Variants in DENND4C observed in about 807,000 individuals in gnomAD.
DENND4C encodes DENN domain-containing protein 4C.
A neutral mutation model predicts 203.0 loss-of-function variants in DENND4C; 108 were observed. The observed-to-expected ratio is 0.53, with a 90% CI of 0.46 to 0.62. The LOEUF is 0.62. Ranked by LOEUF, DENND4C falls within the 20% of genes least tolerant of loss-of-function variation. The probability of loss-of-function intolerance (pLI) is 0.00; values close to 1 mark genes in which losing one functional copy is unlikely to be tolerated. For synonymous variants in DENND4C, 871 were observed against 792.4 expected (o/e 1.10, Z -1.67); for missense variants, 2,481 against 2,301.2 (o/e 1.08, Z -1.60).
At chr9:19,268,831 A>C (rs1206609375) in intron 1 of DENND4C, among the ~76,000 whole-genome samples, 1 of 151,970 alleles carries the variant, frequency 6.6e-6, no homozygotes, top group African/African-American at 2.4e-5. Context: ...TTTGTATGCT[A>C]TGTGTTTTTC....
Position 19,289,189 on chromosome 9 carries a change from A to G in DENND4C, c.628+524A>G, listed in dbSNP as rs191053397. Among the ~76,000 whole-genome samples the G allele has an allele frequency of 3.2e-3, 488 of 152,342 alleles. 3 individuals are homozygous for G. Among genetic ancestry groups the G allele is most frequent in the Non-Finnish European group, 4.1e-3 (281 of 68,034 alleles). On this transcript the variant is annotated intron_variant, in intron 4 of 32. Transcript: ENST00000434457. Reference sequence around the variant, plus strand: ...CTGCCATGAAGTGTTTGAGAAATCTATCGCCACATTCTTACTGCACATTAA... The same window carrying G: ...CTGCCATGAAGTGTTTGAGAAATCTGTCGCCACATTCTTACTGCACATTAA...
At chr9:19,290,294 TTC>T (rs1369491690) in intron 4 of DENND4C, among the ~76,000 whole-genome samples, 3 of 152,230 alleles carry the variant, frequency 2.0e-5, no homozygotes, top group Non-Finnish European at 4.4e-5. Context: ...CTGTGATAAT[TTC>T]TGTTGCCTCA....
Position 19,346,550 on chromosome 9 carries a change from A to G in DENND4C, c.3781A>G (p.Thr1261Ala), listed in dbSNP as rs920124867. ...DPLSLLATEC[T>A]GGKTPDSEDK... ...TTTGTCTCTTTTAGCCACTGAATGT[A>G]CAGGAGGAAAAACTCCTGATTCTGA... The change falls in exon 23 of 33, where the codon ACA (threonine) becomes GCA (alanine). Residue 1261 changes from threonine to alanine, a missense_variant. Physicochemically the swap from Thr to Ala is moderately conservative, Grantham distance 58 (BLOSUM62 0). Coordinates refer to ENST00000434457, the MANE Select transcript of DENND4C (RefSeq NM_001330640.2). 2 of 1,614,028 alleles carry G rather than the reference A, an allele frequency of 1.2e-6. No homozygotes were observed. Among genetic ancestry groups the G allele is most frequent in the Non-Finnish European group, 1.7e-6 (2 of 1,180,026 alleles).
At position 19,372,079 on chromosome 9, in the gene DENND4C, C is replaced by A. The variant is rs763381009; in HGVS notation, c.5783C>A (p.Ser1928Tyr). 6.2e-7 allele frequency: 1 copy of A among 1,614,032 alleles called. No homozygotes were observed. The highest frequency in any genetic ancestry group is 2.2e-5 in the East Asian group (1 of 44,874). Residue 1928 changes from serine (S) to tyrosine (Y), a missense_variant, in exon 33 of 33, where the codon TCT (serine) becomes TAT (tyrosine). This residue lies in a region of DENND4C where 2,289 missense variants were observed against 2,113.3 expected (regional missense o/e 1.08). Coordinates refer to ENST00000434457, the MANE Select transcript of DENND4C (RefSeq NM_001330640.2). ...TATGGAATTGCATACAATAGTCTGT[C>A]TTCAGAGATTCTTGAAAGGTTGCAG... ...NEYGIAYNSL[S>Y]SEILERLQKI...
intron 1 of DENND4C, among the ~76,000 whole-genome samples, chr9:19,256,779 A>G (rs1013291380): frequency 6.6e-6 from 1 of 152,106 alleles, no homozygotes; most frequent in African/African-American, 2.4e-5. Context: ...TAAAAAAGGA[A>G]ATAAAACAAG....
chr9:19,273,611 G>C (rs1464457120), intron 1 of DENND4C, among the ~76,000 whole-genome samples: 1 of 151,816 alleles, frequency 6.6e-6, no homozygotes, highest in Non-Finnish European at 1.5e-5. Context: ...AAAAAAAATG[G>C]ACAAAAGATT....
chr9:19,294,547 A>G (rs1332946720), intron 5 of DENND4C, among the ~76,000 whole-genome samples: 1 of 152,230 alleles, frequency 6.6e-6, no homozygotes, highest in Admixed American at 6.5e-5. Context: ...TATACCTAAA[A>G]TAATTGAAAG....
intron 5 of DENND4C, 27 bp downstream of exon 5, chr9:19,290,903 A>C: frequency 6.3e-7 from 1 of 1,591,792 alleles, no homozygotes; most frequent in Non-Finnish European, 8.6e-7. Context: ...TTGATTAAAC[A>C]CATTTTGTCC....
intron 22 of DENND4C, among the ~76,000 whole-genome samples, chr9:19,344,495 CTTTG>C (rs1035730313): frequency 1.8e-4 from 27 of 151,520 alleles, no homozygotes; most frequent in South Asian, 8.6e-4. Flanking sequence ...AAGACCCTAA[CTTTG>C]TTTGTTTGTT....
At chr9:19,354,259 C>G (rs967727019) in intron 26 of DENND4C, among the ~76,000 whole-genome samples, 1 of 152,050 alleles carries the variant, frequency 6.6e-6, no homozygotes, top group African/African-American at 2.4e-5. Context: ...CTACAAACAC[C>G]ACGGTAGTAA....
chr9:19,234,686 C>T (rs759619500), intron 1 of DENND4C, among the ~76,000 whole-genome samples: 3 of 151,826 alleles, frequency 2.0e-5, no homozygotes, highest in African/African-American at 7.3e-5. Context: ...CGTGCATGTG[C>T]GTGCATCACC....
At chr9:19,230,599 C>G (rs1820256764), upstream of DENND4C, 1 of 152,110 alleles carries the variant, frequency 6.6e-6, no homozygotes, top group African/African-American at 2.4e-5. Context: ...CGGCTCACAG[C>G]GCGGAGGCAC....
chr9:19,317,843 T>C (rs1157103388), intron 12 of DENND4C, among the ~76,000 whole-genome samples: 1 of 152,220 alleles, frequency 6.6e-6, no homozygotes, highest in African/African-American at 2.4e-5. Flanking sequence ...TTCCAAATAT[T>C]CCAGTATTTC....
chr9:19,352,705 C>CA lies in DENND4C; in HGVS notation c.4781+46dup, dbSNP rs1367887016. 3.5e-6 allele frequency: 5 copies of CA among 1,447,204 alleles called. No homozygotes were observed. In the African/African-American group the frequency reaches 5.7e-5, roughly 16 times the overall value. The allele number at this position is 1,447,204 out of a possible 1,614,324, so 89.6% of individuals were successfully genotyped here. A position where few individuals can be genotyped will look rare whatever the true frequency, so the allele number is the denominator to read the frequency against. ...AGCTCTCTCAAGAAGTAAGTACCCTCAAAAAACACGACTTCTGGGAGAAGA... is the reference window on the plus strand; with the variant it reads ...AGCTCTCTCAAGAAGTAAGTACCCTCAAAAAAACACGACTTCTGGGAGAAGA... On this transcript the variant is annotated intron_variant, in intron 26 of 32. Coordinates refer to ENST00000434457, the MANE Select transcript of DENND4C (RefSeq NM_001330640.2).
chr9:19,355,473 A>G (rs1408905390), intron 26 of DENND4C, among the ~76,000 whole-genome samples: 1 of 152,230 alleles, frequency 6.6e-6, no homozygotes, highest in Non-Finnish European at 1.5e-5. Flanking sequence ...ATATGATGGT[A>G]GAGATCCAGC....
chr9:19,317,386 G>T (rs1308947208), intron 12 of DENND4C, among the ~76,000 whole-genome samples: 3 of 151,816 alleles, frequency 2.0e-5, no homozygotes, highest in Non-Finnish European at 4.4e-5. Flanking sequence ...AACCATTTTT[G>T]ACTAATGTAA....
intron 5 of DENND4C, among the ~76,000 whole-genome samples, chr9:19,291,121 CAAGAT>C (rs1836207725): frequency 1.3e-5 from 2 of 151,904 alleles, no homozygotes; most frequent in Non-Finnish European, 1.5e-5. Flanking sequence ...ACCCAGGTGT[CAAGAT>C]GAGATGATTA....
chr9:19,278,159 A>G (rs1833288516), intron 2 of DENND4C, among the ~76,000 whole-genome samples: 1 of 148,902 alleles, frequency 6.7e-6, no homozygotes, highest in Non-Finnish European at 1.5e-5. Flanking sequence ...TTTTTGAGAC[A>G]GAGTCTGGCT....
intron 5 of DENND4C, among the ~76,000 whole-genome samples, chr9:19,294,551 T>C (rs1309196491): frequency 6.6e-6 from 1 of 152,126 alleles, no homozygotes; most frequent in Non-Finnish European, 1.5e-5. Flanking sequence ...CCTAAAATAA[T>C]TGAAAGCAGA....
Sources: gnomAD v4.1 joint callset for allele counts (sites outside exome capture counted in the v4.1 genomes callset) on GRCh38, gnomAD v4.1.1 for gene constraint, gnomAD v4.1.1 regional missense constraint, MANE v1.5 for transcripts, NCBI Gene and HGNC (gene_info 2026-07-23, HGNC 2026-07-21) for gene names.